Variants in TENM2 observed in about 807,000 individuals in gnomAD.
The protein encoded by TENM2 is teneurin transmembrane protein 2, also known as teneurin-2.
TENM2 carries 52 observed loss-of-function variants against 245.2 expected under a neutral mutation model. The observed-to-expected ratio is 0.21, with a 90% CI of 0.17 to 0.27. The LOEUF (loss-of-function observed/expected upper bound fraction) is 0.27. Ranked by LOEUF, TENM2 falls within the 10% of genes least tolerant of loss-of-function variation. TENM2 has a pLI of 1.00. For missense variants in TENM2, 3,046 were observed against 3,666.8 expected (o/e 0.83, Z 4.37); for synonymous variants, 1,363 against 1,438.9 (o/e 0.95, Z 1.19).
At chr5:167,438,918 C>T (rs551035310) in intron 2 of TENM2, among the ~76,000 whole-genome samples, 5 of 152,248 alleles carry the variant, frequency 3.3e-5, no homozygotes, top group African/African-American at 9.6e-5. Context: ...CTCAGCCTCC[C>T]GAGTAGCTGG....
intron 19 of TENM2, among the ~76,000 whole-genome samples, chr5:168,210,266 A>C (rs920523040): frequency 3.9e-5 from 6 of 152,076 alleles, no homozygotes; most frequent in Admixed American, 6.5e-5. Context: ...TACACTCTCC[A>C]ACAACTTGAT....
intron 4 of TENM2, among the ~76,000 whole-genome samples, chr5:167,966,763 A>C (rs907601297): frequency 1.3e-5 from 2 of 152,276 alleles, no homozygotes; most frequent in African/African-American, 4.8e-5. Context: ...AACCTAGGCA[A>C]CCTGTTTGCT....
chr5:167,885,644 C>A (rs943936497), intron 3 of TENM2, among the ~76,000 whole-genome samples: 2 of 152,116 alleles, frequency 1.3e-5, no homozygotes, highest in Non-Finnish European at 2.9e-5. Flanking sequence ...AACAAAAATA[C>A]AAAACACCCT....
intron 2 of TENM2, among the ~76,000 whole-genome samples, chr5:167,684,389 C>T (rs992305963): frequency 1.3e-5 from 2 of 152,192 alleles, no homozygotes; most frequent in African/African-American, 2.4e-5. Context: ...GAAAAATGCA[C>T]CACTTTCTGT....
At chr5:167,924,359 T>G (rs140795050) in intron 3 of TENM2, among the ~76,000 whole-genome samples, 1 of 152,140 alleles carries the variant, frequency 6.6e-6, no homozygotes. Context: ...TTCAGGCGAG[T>G]CAATAGGATG....
chr5:167,446,709 G>A (rs1264048210), intron 2 of TENM2, among the ~76,000 whole-genome samples: 2 of 143,484 alleles, frequency 1.4e-5, no homozygotes, highest in Admixed American at 7.1e-5. Flanking sequence ...TGGGGGGGGG[G>A]ATTTGTACCC....
chr5:167,372,827 A>G (rs1371862071), intron 1 of TENM2, among the ~76,000 whole-genome samples: 1 of 152,264 alleles, frequency 6.6e-6, no homozygotes, highest in Non-Finnish European at 1.5e-5. Context: ...ATCTTGTAAT[A>G]TTGTGTATAC....
chr5:167,344,007 A>C (rs1758287178), intron 1 of TENM2, among the ~76,000 whole-genome samples: 1 of 151,528 alleles, frequency 6.6e-6, no homozygotes, highest in African/African-American at 2.4e-5. Flanking sequence ...GAATAAAATG[A>C]CTTGCCTAAG....
the TENM2 span, among the ~76,000 whole-genome samples, chr5:167,273,366 A>G: frequency 6.6e-6 from 1 of 152,164 alleles, no homozygotes; most frequent in Non-Finnish European, 1.5e-5. Context: ...GAAAAGATTT[A>G]TAATTTTGGT....
chr5:167,525,412 C>G (rs1432884), intron 2 of TENM2, among the ~76,000 whole-genome samples: 1 of 151,910 alleles, frequency 6.6e-6, no homozygotes, highest in Non-Finnish European at 1.5e-5. Context: ...TGAGGCTCCA[C>G]GTACCAACCT....
intron 15 of TENM2, 128 bp from the exon 18 acceptor site, chr5:168,198,725 C>T (rs1761677083): frequency 1.6e-5 from 19 of 1,206,060 alleles, no homozygotes; most frequent in Non-Finnish European, 2.1e-5. Flanking sequence ...CCCCACCTGT[C>T]TGCCTCCAAA....
At chr5:167,806,696 T>C (rs1766202653) in intron 2 of TENM2, among the ~76,000 whole-genome samples, 1 of 152,114 alleles carries the variant, frequency 6.6e-6, no homozygotes, top group Admixed American at 6.6e-5. Context: ...ATCACTCTCA[T>C]TTTTTATAAT....
At chr5:167,645,168 T>C (rs1340490393) in intron 2 of TENM2, among the ~76,000 whole-genome samples, 1 of 152,224 alleles carries the variant, frequency 6.6e-6, no homozygotes, top group Non-Finnish European at 1.5e-5. Context: ...GACTGTACAC[T>C]AACAAGTCAA....
chr5:167,993,189 C>G lies in TENM2; in HGVS notation c.1186+7C>G, dbSNP rs573044779. ...TTGCTGGCGTATTTCATAGGTAAGT[C>G]AGGGCAGCCTTATTCAGCAACGCTG... is the stretch of plus-strand genomic sequence containing the variant. On this transcript the variant is annotated splice_region_variant and intron_variant, in intron 5 of 28. Coordinates refer to ENST00000518659, the Ensembl canonical transcript of TENM2. 1.6e-4 allele frequency: 262 copies of G among 1,611,662 alleles called. 1 individual carries two copies. Among genetic ancestry groups the G allele is most frequent in the South Asian group, 1.5e-3 (139 of 90,948 alleles).
At chr5:167,746,389 A>G (rs11134468) in intron 2 of TENM2, among the ~76,000 whole-genome samples, 15,883 of 152,210 alleles carry the variant, frequency 0.1, 1,427 homozygotes, top group East Asian at 0.44. Context: ...ACATGGATAC[A>G]TAGATCGATG....
At chr5:167,115,244 C>A in the TENM2 span, among the ~76,000 whole-genome samples, 1 of 152,150 alleles carries the variant, frequency 6.6e-6, no homozygotes, top group African/African-American at 2.4e-5. Context: ...AGAGGCTGGG[C>A]TGGTCTCCAT....
intron 5 of TENM2, among the ~76,000 whole-genome samples, chr5:168,024,017 A>G (rs1199365967): frequency 6.6e-6 from 1 of 152,228 alleles, no homozygotes; most frequent in Non-Finnish European, 1.5e-5. Flanking sequence ...ATAAACATAC[A>G]TATGCATTTA....
chr5:168,003,306 AAC>A (rs70976455), intron 5 of TENM2, among the ~76,000 whole-genome samples: 41,915 of 90,212 alleles, frequency 0.46, 7,594 homozygotes, highest in Non-Finnish European at 0.53. Context: ...TTTAAGAAAA[AAC>A]ACACACACAC....
At chr5:167,813,095 C>T (rs995274739) in intron 2 of TENM2, among the ~76,000 whole-genome samples, 1 of 152,158 alleles carries the variant, frequency 6.6e-6, no homozygotes, top group Admixed American at 6.5e-5. Context: ...TTGTATCCAG[C>T]ACTGGAAAGT....
Sources: gnomAD v4.1 joint callset for allele counts (sites outside exome capture counted in the v4.1 genomes callset) on GRCh38, gnomAD v4.1.1 for gene constraint, MANE v1.5 for transcripts, NCBI Gene and HGNC (gene_info 2026-07-23, HGNC 2026-07-21) for gene names.